Variants in CREB5 observed in about 807,000 individuals in gnomAD.
The protein encoded by CREB5 is cyclic AMP-responsive element-binding protein 5.
In CREB5, 19 loss-of-function variants were observed where a neutral mutation model predicts 57.1. The observed-to-expected ratio is 0.33, with a 90% CI of 0.23 to 0.49. CREB5 has a LOEUF of 0.49. Among genes scored for constraint, CREB5 ranks in the 20% least tolerant of loss-of-function variants. The pLI is 0.99. For missense variants in CREB5, 579 were observed against 671.6 expected, an observed-to-expected ratio of 0.86 and a Z score of 1.52; for synonymous variants, 238 against 238.3, an observed-to-expected ratio of 1.00 and a Z score of 0.01.
chr7:28,614,828 A>G (rs561514844), intron 5 of CREB5, among the ~76,000 whole-genome samples: 123 of 152,244 alleles, frequency 8.1e-4, no homozygotes, highest in Non-Finnish European at 1.4e-3. Flanking sequence ...CGTTTCATCC[A>G]TGTCTCTACT....
chr7:28,340,335 A>G (rs1297322748), intron 1 of CREB5, among the ~76,000 whole-genome samples: 2 of 152,212 alleles, frequency 1.3e-5, no homozygotes, highest in African/African-American at 4.8e-5. Flanking sequence ...TTAGGACCCA[A>G]CAACTCTTTA....
At chr7:28,773,282 A>G (rs1463723744) in intron 7 of CREB5, among the ~76,000 whole-genome samples, 2 of 152,200 alleles carry the variant, frequency 1.3e-5, no homozygotes. Context: ...GACCAAATAT[A>G]TAACATATAT....
chr7:28,673,597 G>A (rs1028106839), intron 5 of CREB5, among the ~76,000 whole-genome samples: 3 of 142,456 alleles, frequency 2.1e-5, no homozygotes, highest in Non-Finnish European at 4.6e-5. Flanking sequence ...TTTTTGCCAA[G>A]TTTCAAAAGT....
intron 1 of CREB5, among the ~76,000 whole-genome samples, chr7:28,428,222 C>A (rs927581572): frequency 6.6e-6 from 1 of 152,106 alleles, no homozygotes; most frequent in Non-Finnish European, 1.5e-5. Context: ...GATGTAGAGA[C>A]AAGGAGGGAA....
In CREB5 at chr7:28,302,120, T is replaced by G. The variant is rs73686129; in HGVS notation, c.-25+2679T>G. Among the ~76,000 whole-genome samples the G allele has an allele frequency of 7.2e-3, 1,100 of 152,352 alleles. 14 individuals carry two copies. Among genetic ancestry groups the G allele is most frequent in the African/African-American group, 0.025 (1,050 of 41,580 alleles). Reference sequence around the variant, plus strand: ...TTTCTTTCATAATAAATGTGGTATATTATTTAAGCTAAAAATAACAAAATG... The same window carrying G: ...TTTCTTTCATAATAAATGTGGTATAGTATTTAAGCTAAAAATAACAAAATG... On this transcript the variant is annotated intron_variant, in intron 1 of 9. Transcript: ENST00000396299.
chr7:28,660,774 G>A (rs1165669391), intron 5 of CREB5, among the ~76,000 whole-genome samples: 1 of 151,704 alleles, frequency 6.6e-6, no homozygotes, highest in African/African-American at 2.4e-5. Context: ...TGTGGAGCTT[G>A]TGTTCCTCAC....
intron 7 of CREB5, among the ~76,000 whole-genome samples, chr7:28,792,038 C>G (rs981611537): frequency 3.3e-5 from 5 of 152,236 alleles, no homozygotes; most frequent in African/African-American, 9.6e-5. Flanking sequence ...GGTGTGGTGG[C>G]TCATGCCTGT....
intron 5 of CREB5, among the ~76,000 whole-genome samples, chr7:28,571,665 C>A (rs1012289559): frequency 1.3e-5 from 2 of 152,164 alleles, no homozygotes; most frequent in Non-Finnish European, 2.9e-5. Context: ...GGATCCGCAG[C>A]GTGGGCATTT....
At chr7:28,434,926 T>C (rs1435132391) in intron 1 of CREB5, among the ~76,000 whole-genome samples, 1 of 139,408 alleles carries the variant, frequency 7.2e-6, no homozygotes. Context: ...TTGGCATTGA[T>C]GATTTTTCTT....
chr7:28,560,994 GCC>G (rs1278200130), intron 4 of CREB5, among the ~76,000 whole-genome samples: 443 of 23,842 alleles, frequency 0.019, 82 homozygotes, highest in African/African-American at 0.031. Flanking sequence ...GCGTGTGTGT[GCC>G]TGCGTGTGCG....
chr7:28,769,475 CAAAT>C (rs754276279), intron 7 of CREB5, among the ~76,000 whole-genome samples: 1 of 151,950 alleles, frequency 6.6e-6, no homozygotes, highest in African/African-American at 2.4e-5. Flanking sequence ...AATTATGTAC[CAAAT>C]AAATACTAAT....
At chr7:28,322,443 T>C (rs1212772509) in intron 1 of CREB5, among the ~76,000 whole-genome samples, 3 of 152,128 alleles carry the variant, frequency 2.0e-5, no homozygotes, top group African/African-American at 7.2e-5. Context: ...ATTTTAAAAG[T>C]TTTACTTTAA....
chr7:28,580,699 T>G (rs1796094130), intron 5 of CREB5, among the ~76,000 whole-genome samples: 1 of 151,978 alleles, frequency 6.6e-6, no homozygotes, highest in Non-Finnish European at 1.5e-5. Flanking sequence ...CATTCCATAA[T>G]TATTATTGCC....
At chr7:28,429,658 T>G (rs892132395) in intron 1 of CREB5, among the ~76,000 whole-genome samples, 3 of 152,134 alleles carry the variant, frequency 2.0e-5, no homozygotes, top group African/African-American at 7.2e-5. Context: ...TGACTGAAAC[T>G]CTGAAAAGAA....
intron 4 of CREB5, among the ~76,000 whole-genome samples, chr7:28,550,498 TA>T (rs1171836767): frequency 6.6e-6 from 1 of 152,210 alleles, no homozygotes; most frequent in Admixed American, 6.5e-5. Flanking sequence ...CTTTACAGTT[TA>T]AAAGTGACTC....
chr7:28,488,266 C>T lies in CREB5; in HGVS notation c.75+20C>T, dbSNP rs1156253136. 4 of 1,611,438 alleles carry T rather than the reference C, an allele frequency of 2.5e-6. No homozygotes were observed. The highest frequency in any genetic ancestry group is 3.4e-6 in the Non-Finnish European group (4 of 1,178,336). On this transcript the variant is annotated intron_variant, in intron 2 of 10. Coordinates refer to ENST00000357727, the MANE Select transcript of CREB5 (RefSeq NM_182898.4). ...TCCCAGGTGAGTGTGCGGATCCTCC[C>T]TGCTCTGACATGCAGGGCCTGCTTT... is the stretch of plus-strand genomic sequence containing the variant.
At chr7:28,509,428 C>T (rs1010588607) in intron 4 of CREB5, among the ~76,000 whole-genome samples, 1 of 152,162 alleles carries the variant, frequency 6.6e-6, no homozygotes, top group Non-Finnish European at 1.5e-5. Context: ...TCCTTATGGA[C>T]ATGAGAATCA....
intron 4 of CREB5, among the ~76,000 whole-genome samples, chr7:28,528,543 A>T (rs1453645055): frequency 6.6e-6 from 1 of 152,080 alleles, no homozygotes; most frequent in East Asian, 1.9e-4. Context: ...TGTCTCTACT[A>T]AAAACACAAA....
intron 4 of CREB5, among the ~76,000 whole-genome samples, chr7:28,522,542 T>A (rs1342620096): frequency 6.6e-6 from 1 of 152,052 alleles, no homozygotes; most frequent in Non-Finnish European, 1.5e-5. Context: ...ATTATAGGCA[T>A]GTGCCACCAT....
Sources: allele counts gnomAD v4.1 joint callset (sites outside exome capture counted in the v4.1 genomes callset), GRCh38; gene constraint gnomAD v4.1.1; transcripts MANE v1.5; gene names NCBI Gene and HGNC (gene_info 2026-07-23, HGNC 2026-07-21).